XIRP2: variants seen among roughly 807,000 people sequenced by gnomAD.
XIRP2 encodes xin actin-binding repeat-containing protein 2.
XIRP2 carries 236 observed loss-of-function variants against 277.0 expected under a neutral mutation model. The ratio of observed to expected loss-of-function variants is 0.85; its 90% CI spans 0.77 to 0.95. The LOEUF (loss-of-function observed/expected upper bound fraction) is 0.95. XIRP2 is among the 40% of genes least tolerant of loss of function. The probability of loss-of-function intolerance (pLI) is 0.00; values close to 1 mark genes in which losing one functional copy is unlikely to be tolerated. For missense variants in XIRP2, 4,640 were observed against 4,157.5 expected (o/e 1.12, Z -3.19); for synonymous variants, 1,490 against 1,416.5 (o/e 1.05, Z -1.17).
At chr2:167,152,231 A>T (rs948645078) in intron 3 of XIRP2, among the ~76,000 whole-genome samples, 1 of 151,526 alleles carries the variant, frequency 6.6e-6, no homozygotes, top group African/African-American at 2.4e-5. Context: ...GGTCATGAAA[A>T]CTCCACTTGA....
chr2:167,106,956 A>G (rs1473549393), intron 2 of XIRP2, among the ~76,000 whole-genome samples: 2 of 151,138 alleles, frequency 1.3e-5, no homozygotes, highest in East Asian at 3.8e-4. Context: ...TAATTTCAAT[A>G]TTCACATGTT....
intron 2 of XIRP2, among the ~76,000 whole-genome samples, chr2:167,057,019 T>C (rs936898420): frequency 1.3e-5 from 2 of 152,168 alleles, no homozygotes; most frequent in African/African-American, 2.4e-5. Flanking sequence ...CTGGTGATGA[T>C]AGTAGTTTTA....
chr2:167,058,002 T>C (rs1358178027), intron 2 of XIRP2, among the ~76,000 whole-genome samples: 1 of 150,806 alleles, frequency 6.6e-6, no homozygotes, highest in Non-Finnish European at 1.5e-5. Context: ...CCGTTATGCA[T>C]GTTTTATTTT....
At chr2:167,170,516 C>G (rs1293787630) in intron 3 of XIRP2, among the ~76,000 whole-genome samples, 1 of 151,920 alleles carries the variant, frequency 6.6e-6, no homozygotes, top group Non-Finnish European at 1.5e-5. Context: ...TATTTTATTT[C>G]TTGTGTTGCT....
chr2:167,026,175 CTTG>C lies in XIRP2; in HGVS notation c.409-109727_409-109725del, dbSNP rs1688151539. Among the ~76,000 whole-genome samples, 4 of 152,110 alleles carry C rather than the reference CTTG, an allele frequency of 2.6e-5. No individual in the cohort carries two copies. In the South Asian group the frequency reaches 8.3e-4, roughly 32 times the overall value. On this transcript the variant is annotated intron_variant, in intron 2 of 10. Coordinates refer to ENST00000409195, the MANE Select transcript of XIRP2 (RefSeq NM_152381.6). ...GCATATATATTTAGGATAGTTAGCTCTTGTTGTTGAATTGATCCCTTTACCATT... is the reference window on the plus strand; with the variant it reads ...GCATATATATTTAGGATAGTTAGCTCTTGTTGAATTGATCCCTTTACCATT...
At chr2:167,151,345 T>A (rs533985964) in intron 3 of XIRP2, among the ~76,000 whole-genome samples, 2 of 152,054 alleles carry the variant, frequency 1.3e-5, no homozygotes, top group South Asian at 4.2e-4. Context: ...GAATAAGAAA[T>A]AATAGGAAAT....
intron 2 of XIRP2, 60 bp from the exon 3 acceptor site, chr2:167,135,849 A>G: frequency 7.0e-7 from 1 of 1,421,500 alleles, no homozygotes; most frequent in Non-Finnish European, 9.3e-7. Context: ...CCCCCCTAAA[A>G]AACACATCTG....
At chr2:167,096,007 G>T (rs2105280851) in intron 2 of XIRP2, among the ~76,000 whole-genome samples, 1 of 150,900 alleles carries the variant, frequency 6.6e-6, no homozygotes, top group East Asian at 1.9e-4. Context: ...CCAAGTAGCT[G>T]GGACTACAGG....
intron 2 of XIRP2, among the ~76,000 whole-genome samples, chr2:167,082,083 C>G (rs1015812984): frequency 2.0e-5 from 3 of 151,032 alleles, no homozygotes; most frequent in Non-Finnish European, 2.9e-5. Context: ...CCTCCCAATG[C>G]TATCCCTCCC....
chr2:166,981,800 A>G (rs967843127), intron 2 of XIRP2, among the ~76,000 whole-genome samples: 4 of 152,182 alleles, frequency 2.6e-5, no homozygotes, highest in African/African-American at 9.7e-5. Flanking sequence ...CGAAGACCCT[A>G]TTTCCAAATA....
intron 4 of XIRP2, among the ~76,000 whole-genome samples, chr2:167,211,621 C>T (rs78517224): frequency 2.6e-5 from 4 of 152,302 alleles, no homozygotes; most frequent in Admixed American, 1.3e-4. Context: ...CATGGGTTTG[C>T]ACGCCACCCT....
At chr2:167,043,548 C>T (rs1688716656) in intron 2 of XIRP2, among the ~76,000 whole-genome samples, 1 of 151,980 alleles carries the variant, frequency 6.6e-6, no homozygotes, top group Admixed American at 6.6e-5. Context: ...AAAACCCTCA[C>T]AGACAATTAT....
chr2:166,912,909 C>T (rs572784190), intron 2 of XIRP2, among the ~76,000 whole-genome samples: 1 of 152,162 alleles, frequency 6.6e-6, no homozygotes, highest in African/African-American at 2.4e-5. Context: ...GCAGAGGCTG[C>T]AGAACAGTGA....
intron 2 of XIRP2, among the ~76,000 whole-genome samples, chr2:166,962,307 C>T (rs925007505): frequency 4.6e-5 from 7 of 151,614 alleles, no homozygotes; most frequent in African/African-American, 7.3e-5. Context: ...ATAAAAACTC[C>T]ATCTAAGTCT....
At chr2:167,085,655 A>G (rs1689917401) in intron 2 of XIRP2, among the ~76,000 whole-genome samples, 1 of 152,062 alleles carries the variant, frequency 6.6e-6, no homozygotes, top group African/African-American at 2.4e-5. Flanking sequence ...TATTTAGGAT[A>G]GTTAGCTCTT....
Position 167,247,628 on chromosome 2 carries a change from T to G in XIRP2, c.6236T>G (p.Met2079Arg). Reference sequence around the variant, plus strand: ...GAACAGCATCTTAGAGATGAATATATGAGCAGACAATTAACTTCAACTGTG... The same window carrying G: ...GAACAGCATCTTAGAGATGAATATAGGAGCAGACAATTAACTTCAACTGTG... ...TGEQHLRDEY[M>R]SRQLTSTVSV... The change falls in exon 9 of 11, where the codon ATG becomes AGG. Residue 2079 changes from methionine (M) to arginine (R), a missense_variant. Met to Arg is a moderately conservative substitution (Grantham distance 91). Transcript: ENST00000409195. 1 of 1,613,686 alleles carries G rather than the reference T, an allele frequency of 6.2e-7. No individual in the cohort carries two copies. The highest frequency in any genetic ancestry group is 8.5e-7 in the Non-Finnish European group (1 of 1,179,760).
At chr2:166,901,558 T>C (rs976884223) in intron 1 of XIRP2, among the ~76,000 whole-genome samples, 11 of 152,066 alleles carry the variant, frequency 7.2e-5, no homozygotes, top group African/African-American at 2.7e-4. Context: ...TTTCCAACTA[T>C]GTGTGGTTGG....
chr2:166,911,967 C>T (rs912348192), intron 2 of XIRP2, among the ~76,000 whole-genome samples: 3 of 152,120 alleles, frequency 2.0e-5, no homozygotes, highest in Non-Finnish European at 2.9e-5. Flanking sequence ...GAGTTTCTGC[C>T]GAGAGATCCA....
intron 2 of XIRP2, among the ~76,000 whole-genome samples, chr2:166,929,818 G>A (rs1685281314): frequency 6.6e-6 from 1 of 152,124 alleles, no homozygotes; most frequent in South Asian, 2.1e-4. Flanking sequence ...TTCGTAAGAT[G>A]ACTTCATCAG....
Sources: gnomAD v4.1 joint callset for allele counts (sites outside exome capture counted in the v4.1 genomes callset) on GRCh38, gnomAD v4.1.1 for gene constraint, MANE v1.5 for transcripts, NCBI Gene and HGNC (gene_info 2026-07-23, HGNC 2026-07-21) for gene names.